The following MSH3 variants were observed in gnomAD, a reference collection of about 807,000 sequenced individuals.
MSH3 encodes the protein DNA mismatch repair protein Msh3.
Under a neutral mutation model 123.3 loss-of-function variants are expected in MSH3, and 106 were observed. That is an observed-to-expected ratio of 0.86 (90% CI 0.73 to 1.01). MSH3 has a LOEUF of 1.01. MSH3 is among the 50% of genes least tolerant of loss of function. The pLI, the probability that MSH3 is intolerant of heterozygous loss-of-function variation, is 0.00. For synonymous variants in MSH3, 515 were observed against 481.4 expected (o/e 1.07, Z -0.91); for missense variants, 1,459 against 1,347.6 (o/e 1.08, Z -1.29).
intron 8 of MSH3, among the ~76,000 whole-genome samples, chr5:80,686,296 T>G (rs1371996530): frequency 2.6e-5 from 4 of 152,124 alleles, no homozygotes; most frequent in Non-Finnish European, 5.9e-5. Flanking sequence ...ATCCAGCTGC[T>G]ATTTTTTTTC....
chr5:80,774,392 G>A (rs936655294), intron 15 of MSH3, among the ~76,000 whole-genome samples: 3 of 143,222 alleles, frequency 2.1e-5, no homozygotes, highest in Admixed American at 1.4e-4. Context: ...GTGGAGAACA[G>A]TTTGGAGGTC....
At chr5:80,836,505 G>T (rs1745512425) in intron 20 of MSH3, among the ~76,000 whole-genome samples, 2 of 123,426 alleles carry the variant, frequency 1.6e-5, no homozygotes, top group African/African-American at 3.2e-5. Context: ...ACACACAGAG[G>T]AATAAAGGTG....
At chr5:80,796,971 G>A (rs892970296) in intron 19 of MSH3, among the ~76,000 whole-genome samples, 30 of 152,156 alleles carry the variant, frequency 2.0e-4, no homozygotes, top group South Asian at 4.2e-4. Flanking sequence ...ACTTCATGCC[G>A]TTCCCAAGTC....
At chr5:80,818,413 AAAAAAAAAAG>A (rs1358317483) in intron 20 of MSH3, among the ~76,000 whole-genome samples, 5 of 150,368 alleles carry the variant, frequency 3.3e-5, no homozygotes, top group African/African-American at 1.2e-4. Flanking sequence ...AAAAAAAAAA[AAAAAAAAAAG>A]GTGGGGGAGA....
chr5:80,697,387 C>T (rs1318793555), intron 8 of MSH3, among the ~76,000 whole-genome samples: 2 of 152,116 alleles, frequency 1.3e-5, no homozygotes, highest in Non-Finnish European at 1.5e-5. Flanking sequence ...ACGTTTTTTA[C>T]CTTCATAGTT....
intron 2 of MSH3, among the ~76,000 whole-genome samples, chr5:80,656,839 T>A (rs937833566): frequency 6.6e-6 from 1 of 152,166 alleles, no homozygotes; most frequent in African/African-American, 2.4e-5. Context: ...AGTACAGAAA[T>A]GTGGAAGGTA....
chr5:80,664,162 A>G (rs1381080166), intron 2 of MSH3, among the ~76,000 whole-genome samples: 1 of 152,240 alleles, frequency 6.6e-6, no homozygotes, highest in African/African-American at 2.4e-5. Context: ...AGAGGAACAC[A>G]GAGAAAGAAA....
chr5:80,688,438 A>G (rs1217310680), intron 8 of MSH3, among the ~76,000 whole-genome samples: 5 of 152,216 alleles, frequency 3.3e-5, no homozygotes, highest in Admixed American at 3.3e-4. Flanking sequence ...GAGGCATAGT[A>G]CCACCTGAAT....
At chr5:80,814,755 T>A (rs1394238415) in intron 20 of MSH3, among the ~76,000 whole-genome samples, 1 of 152,208 alleles carries the variant, frequency 6.6e-6, no homozygotes, top group East Asian at 1.9e-4. Context: ...GCAAAAGGCA[T>A]TGGACCAAGA....
intron 20 of MSH3, among the ~76,000 whole-genome samples, chr5:80,846,916 C>T (rs1270398912): frequency 6.6e-6 from 1 of 152,198 alleles, no homozygotes; most frequent in Non-Finnish European, 1.5e-5. Context: ...CGTCCATAGG[C>T]TGCACCCACT....
chr5:80,718,476 A>G (rs997697994), intron 8 of MSH3, among the ~76,000 whole-genome samples: 3 of 131,972 alleles, frequency 2.3e-5, no homozygotes, highest in African/African-American at 8.6e-5. Flanking sequence ...ATCTCTTTTT[A>G]TTCCTATCCT....
At chr5:80,839,172 G>A (rs887804061) in intron 20 of MSH3, among the ~76,000 whole-genome samples, 5 of 152,142 alleles carry the variant, frequency 3.3e-5, no homozygotes, top group African/African-American at 1.2e-4. Context: ...TTTGAGACCA[G>A]CATGGCCAAC....
chr5:80,671,033 G>C (rs1324139141), intron 4 of MSH3, among the ~76,000 whole-genome samples: 1 of 151,946 alleles, frequency 6.6e-6, no homozygotes, highest in African/African-American at 2.4e-5. Flanking sequence ...TGAGGCAGGA[G>C]AGTCGCTTGA....
chr5:80,857,151 T>C (rs1395405828), intron 21 of MSH3, among the ~76,000 whole-genome samples: 1 of 152,226 alleles, frequency 6.6e-6, no homozygotes, highest in Non-Finnish European at 1.5e-5. Context: ...TCTATTGATA[T>C]GGTCATGTGA....
intron 19 of MSH3, among the ~76,000 whole-genome samples, chr5:80,794,500 C>T (rs144209700): frequency 8.0e-4 from 122 of 152,172 alleles, no homozygotes; most frequent in African/African-American, 2.7e-3. Context: ...TGGGGTAAAA[C>T]GGTATGGTGA....
chr5:80,735,412 A>G (rs1241110256), intron 10 of MSH3, among the ~76,000 whole-genome samples: 1 of 148,578 alleles, frequency 6.7e-6, no homozygotes, highest in Non-Finnish European at 1.5e-5. Flanking sequence ...AAAGTTGAGC[A>G]CAGTGGCTCA....
chr5:80,654,753 G>C lies in MSH3; in HGVS notation c.26G>C (p.Gly9Ala), dbSNP rs369278563. The C allele has an allele frequency of 9.4e-6, 15 of 1,602,656 alleles. No individual in the cohort carries two copies. Among genetic ancestry groups the C allele is most frequent in the Non-Finnish European group, 1.3e-5 (15 of 1,176,110 alleles). Reference protein sequence around the residue: MSRRKPASGGLAASSSAPA... With the variant: MSRRKPASAGLAASSSAPA... ...ATGTCTCGCCGGAAGCCTGCGTCGG[G>C]CGGCCTCGCTGCCTCCAGCTCAGCC... The change falls in exon 1 of 24, where the codon GGC becomes GCC. Residue 9 changes from glycine to alanine, a missense_variant. Transcript: ENST00000265081.
chr5:80,668,792 C>T (rs986986378), intron 3 of MSH3, among the ~76,000 whole-genome samples: 5 of 152,270 alleles, frequency 3.3e-5, no homozygotes, highest in South Asian at 4.1e-4. Context: ...CCTGCCTGCT[C>T]CCAGCCCCCA....
At chr5:80,682,561 T>C (rs984137811) in intron 8 of MSH3, among the ~76,000 whole-genome samples, 8 of 152,054 alleles carry the variant, frequency 5.3e-5, no homozygotes, top group Non-Finnish European at 7.4e-5. Context: ...CTACTAAAAA[T>C]ACAAAAATTA....
Sources: allele counts gnomAD v4.1 joint callset (sites outside exome capture counted in the v4.1 genomes callset), GRCh38; gene constraint gnomAD v4.1.1; transcripts MANE v1.5; gene names NCBI Gene and HGNC (gene_info 2026-07-23, HGNC 2026-07-21).